The following GABRR1 variants were observed in gnomAD, a reference collection of about 807,000 sequenced individuals.
GABRR1 encodes the protein gamma-aminobutyric acid type A receptor subunit rho1.
GABRR1 carries 59 observed loss-of-function variants against 55.5 expected under a neutral mutation model. That is an observed-to-expected ratio of 1.06 (90% CI 0.86 to 1.32). The LOEUF is 1.32. Among genes scored for constraint, GABRR1 ranks in the 40% most tolerant of loss-of-function variants. The pLI, the probability that GABRR1 is intolerant of heterozygous loss-of-function variation, is 0.00. For missense variants in GABRR1, 602 were observed against 619.1 expected, an observed-to-expected ratio of 0.97 and a Z score of 0.29; for synonymous variants, 213 against 226.0, an observed-to-expected ratio of 0.94 and a Z score of 0.51.
At chr6:89,185,477 C>T (rs942995139) in intron 6 of GABRR1, 27 bp from the exon 7 acceptor site, 3 of 1,606,356 alleles carry the variant, frequency 1.9e-6, no homozygotes, top group African/African-American at 2.7e-5. Context: ...CAGCATCAGA[C>T]ACAAGGTGGT....
At chr6:89,191,709 A>C (rs1772094696) in intron 5 of GABRR1, among the ~76,000 whole-genome samples, 1 of 152,178 alleles carries the variant, frequency 6.6e-6, no homozygotes, top group Non-Finnish European at 1.5e-5. Flanking sequence ...CCTGCCCTGG[A>C]TGGAAACTTG....
At chr6:89,183,490 T>C (rs1771796313) in intron 7 of GABRR1, among the ~76,000 whole-genome samples, 1 of 83,308 alleles carries the variant, frequency 1.2e-5, no homozygotes, top group South Asian at 3.7e-4. Context: ...GTGCAGTCAA[T>C]TGCGCAAGTT....
intron 1 of GABRR1, among the ~76,000 whole-genome samples, chr6:89,214,527 T>C (rs564458874): frequency 2.0e-5 from 3 of 152,188 alleles, no homozygotes; most frequent in Admixed American, 2.0e-4. Context: ...ATATCTAAAA[T>C]ATATAAGGAA....
At chr6:89,200,816 A>G (rs536564313) in intron 3 of GABRR1, among the ~76,000 whole-genome samples, 2 of 152,304 alleles carry the variant, frequency 1.3e-5, no homozygotes, top group East Asian at 1.9e-4. Context: ...ATTTAGTCCA[A>G]GGTTGTTATT....
intron 5 of GABRR1, among the ~76,000 whole-genome samples, chr6:89,193,618 A>AT (rs978287065): frequency 6.6e-5 from 10 of 152,048 alleles, no homozygotes; most frequent in Non-Finnish European, 8.8e-5. Flanking sequence ...TGATTGCTAG[A>AT]TTTTCAGGAA....
chr6:89,190,786 C>T (rs764033986), intron 5 of GABRR1, among the ~76,000 whole-genome samples: 5 of 152,026 alleles, frequency 3.3e-5, no homozygotes, highest in Non-Finnish European at 4.4e-5. Context: ...TGGATAATTC[C>T]TTGGAGATCA....
Position 89,185,753 on chromosome 6 carries a change from A to G in GABRR1, c.656-303T>C, listed in dbSNP as rs560332849. ...ATTAGGTTAAATCAAATGGAATTCTATTTTTGTAGGTTAGAAATGGTTAAA... is the reference window on the plus strand; with the variant it reads ...ATTAGGTTAAATCAAATGGAATTCTGTTTTTGTAGGTTAGAAATGGTTAAA... On this transcript the variant is annotated intron_variant, in intron 6 of 9. Transcript: ENST00000454853. Among the ~76,000 whole-genome samples the G allele has an allele frequency of 2.6e-4, 39 of 152,340 alleles. No homozygotes were observed. The South Asian group carries it at 7.2e-3, about 28-fold the overall frequency.
chr6:89,182,015 T>C lies in GABRR1; in HGVS notation c.839A>G (p.His280Arg). The C allele has an allele frequency of 6.2e-7, 1 of 1,614,062 alleles. No homozygotes were observed. Among genetic ancestry groups the C allele is most frequent in the South Asian group, 1.1e-5 (1 of 91,056 alleles). The change falls in exon 8 of 10, where the codon CAC becomes CGC. Residue 280 changes from histidine to arginine, a missense_variant. Physicochemically the swap from His to Arg is conservative, Grantham distance 29. This residue lies in a region of GABRR1 where 435 missense variants were observed against 424.2 expected (regional missense o/e 1.03). Transcript: ENST00000454853. ...RLYINFTLRR[H>R]IFFFLLQTYF... is the part of the protein sequence containing the mutation. ...AGTTTGGAGCAAGAAGAAGAAGATG[T>C]GGCGACGCAACGTGAAATTAATGTA...
At position 89,180,291 on chromosome 6, in the gene GABRR1, CCTT is replaced by C. The variant is rs1771676278; in HGVS notation, c.1144_1146del (p.Lys382del). On this transcript the variant is annotated inframe_deletion and splice_region_variant, in exon 9 of 10. Coordinates refer to ENST00000454853, the MANE Select transcript of GABRR1 (RefSeq NM_002042.5). ...ACACTATAAGCGCATGGCAAAGTCA[CCTT>C]CTCCCGCAGCTTCTGTTCCTTCCTC... 19 of 1,612,554 alleles carry C rather than the reference CCTT, an allele frequency of 1.2e-5. No individual in the cohort carries two copies. The highest frequency in any genetic ancestry group is 1.5e-5 in the Non-Finnish European group (18 of 1,179,530).
At chr6:89,223,195 A>G (rs1773138606) in intron 1 of GABRR1, among the ~76,000 whole-genome samples, 1 of 151,486 alleles carries the variant, frequency 6.6e-6, no homozygotes, top group Non-Finnish European at 1.5e-5. Context: ...TTTATCCCTC[A>G]CCTCCTTCCC....
intron 2 of GABRR1, among the ~76,000 whole-genome samples, chr6:89,202,786 C>T (rs1024608406): frequency 3.9e-5 from 6 of 152,140 alleles, no homozygotes; most frequent in African/African-American, 1.4e-4. Flanking sequence ...CAGCCTCAAA[C>T]TCCAGGGCTC....
upstream of GABRR1, chr6:89,217,571 A>T: frequency 2.6e-6 from 1 of 384,242 alleles, no homozygotes. Flanking sequence ...CAGTGGAACA[A>T]TTATTTTAGC....
In GABRR1 at chr6:89,215,165, G is replaced by GT. The variant is rs1185154229; in HGVS notation, c.122+2035dup. 4.6e-5 allele frequency among the ~76,000 whole-genome samples: 7 copies of GT among 152,168 alleles called. No individual in the cohort carries two copies. In the South Asian group the frequency reaches 1.2e-3, roughly 27 times the overall value. ...TCTAAAAACTAAAAACAGAATTACC[G>GT]TATGATCCAGCAATCCCATGTCCAG... On this transcript the variant is annotated intron_variant, in intron 1 of 9. Coordinates refer to ENST00000454853, the MANE Select transcript of GABRR1 (RefSeq NM_002042.5).
In GABRR1 at chr6:89,178,002, A is replaced by G. The variant is rs1385099882; in HGVS notation, c.*768T>C. On this transcript the variant is annotated 3_prime_UTR_variant, in exon 10 of 10. Transcript: ENST00000454853. ...AGGACATGCTCCAAGAAGAAGAAAC[A>G]TGAAGTGGTGATTATATAAAATAGG... 6.6e-6 allele frequency: 1 copy of G among 152,218 alleles called. No homozygotes were observed. The highest frequency in any genetic ancestry group is 2.4e-5 in the African/African-American group (1 of 41,462). 9.4% of individuals were successfully genotyped at this position (152,218 alleles called of 1,614,324 possible).
In GABRR1 at chr6:89,182,295, G is replaced by T. The variant is rs537753268; in HGVS notation, c.797-238C>A. Among the ~76,000 whole-genome samples, 41 of 152,252 alleles carry T rather than the reference G, an allele frequency of 2.7e-4. 1 individual carries two copies. Among genetic ancestry groups the T allele is most frequent in the Admixed American group, 7.9e-4 (12 of 15,284 alleles). ...ATTTACAAACGGAATCCCTTGAAAAGACCATTTAAACTTTTTTCTTTTCTT... is the reference window on the plus strand; with the variant it reads ...ATTTACAAACGGAATCCCTTGAAAATACCATTTAAACTTTTTTCTTTTCTT... On this transcript the variant is annotated intron_variant, in intron 7 of 9. Coordinates refer to ENST00000454853, the MANE Select transcript of GABRR1 (RefSeq NM_002042.5).
intron 1 of GABRR1, among the ~76,000 whole-genome samples, chr6:89,208,077 T>C (rs1042638063): frequency 5.9e-5 from 9 of 152,216 alleles, no homozygotes; most frequent in African/African-American, 1.9e-4. Flanking sequence ...GCTTCGCTGC[T>C]CTAGTCCTGT....
intron 4 of GABRR1, 97 bp downstream of exon 4, chr6:89,199,265 A>C: frequency 7.6e-6 from 8 of 1,053,948 alleles, no homozygotes; most frequent in Non-Finnish European, 1.2e-5. Flanking sequence ...CGCCCAGGGC[A>C]GTTGTGAGAC....
At chr6:89,185,281 C>G in intron 7 of GABRR1, 29 bp downstream of exon 7, 1 of 1,612,998 alleles carries the variant, frequency 6.2e-7, no homozygotes, top group Non-Finnish European at 8.5e-7. Flanking sequence ...GAAGCCTGCC[C>G]TGACTCTCAG....
upstream of GABRR1, among the ~76,000 whole-genome samples, chr6:89,220,655 A>G (rs1025474154): frequency 2.0e-5 from 3 of 152,206 alleles, no homozygotes; most frequent in Non-Finnish European, 4.4e-5. Flanking sequence ...AGTTAGGGCC[A>G]GCATCAGAGC....
Sources: allele counts gnomAD v4.1 joint callset (sites outside exome capture counted in the v4.1 genomes callset), GRCh38; gene constraint gnomAD v4.1.1; regional missense constraint gnomAD v4.1.1; transcripts MANE v1.5; gene names NCBI Gene and HGNC (gene_info 2026-07-23, HGNC 2026-07-21).